Variants in PACS2 observed in about 807,000 individuals in gnomAD.
PACS2 encodes the protein phosphofurin acidic cluster sorting protein 2, also known as PACS1-like protein.
Under a neutral mutation model 113.0 loss-of-function variants are expected in PACS2, and 36 were observed. The observed-to-expected ratio is 0.32, with a 90% CI of 0.24 to 0.42. The LOEUF (loss-of-function observed/expected upper bound fraction) is 0.42. Ranked by LOEUF, PACS2 falls within the 10% of genes least tolerant of loss-of-function variation. The pLI is 1.00. For synonymous variants in PACS2, 589 were observed against 536.1 expected, an observed-to-expected ratio of 1.10 and a Z score of -1.36; for missense variants, 1,015 against 1,239.5, an observed-to-expected ratio of 0.82 and a Z score of 2.72.
At chr14:105,305,563 G>A (rs1443366588) in intron 1 of PACS2, among the ~76,000 whole-genome samples, 3 of 152,182 alleles carry the variant, frequency 2.0e-5, no homozygotes, top group African/African-American at 7.2e-5. Context: ...ATGAATAGTG[G>A]TTTATAAGCC....
chr14:105,385,589 T>G, intron 18 of PACS2, 96 bp from the exon 19 acceptor site: 22 of 740,982 alleles, frequency 3.0e-5, no homozygotes, highest in Non-Finnish European at 4.2e-5. Flanking sequence ...GGAGCCCCAG[T>G]GAGATGGGAG....
At chr14:105,347,333 T>G (rs587709001) in intron 1 of PACS2, among the ~76,000 whole-genome samples, 1 of 152,146 alleles carries the variant, frequency 6.6e-6, no homozygotes, top group African/African-American at 2.4e-5. Flanking sequence ...GGCAGGGATG[T>G]GTGCTGGAAG....
intron 4 of PACS2, among the ~76,000 whole-genome samples, chr14:105,364,168 G>A (rs1595706750): frequency 6.6e-6 from 1 of 152,270 alleles, no homozygotes; most frequent in Admixed American, 6.5e-5. Context: ...TGTTGGAAAA[G>A]TGGCGCTGAT....
At chr14:105,311,897 T>C (rs992617444), upstream of PACS2, among the ~76,000 whole-genome samples, 1 of 152,220 alleles carries the variant, frequency 6.6e-6, no homozygotes, top group African/African-American at 2.4e-5. Context: ...CGGCAGGGCC[T>C]GTCTAGGGGT....
Position 105,391,689 on chromosome 14 carries a change from C to G in PACS2, c.2178C>G (p.Ser726=). The G allele has an allele frequency of 6.2e-7, 1 of 1,607,870 alleles. No homozygotes were observed. The highest frequency in any genetic ancestry group is 8.5e-7 in the Non-Finnish European group (1 of 1,178,048). The change falls in exon 22 of 25, where the codon TCC becomes TCG. Residue 726 remains serine (S), a synonymous_variant. Coordinates refer to ENST00000447393, the MANE Select transcript of PACS2 (RefSeq NM_001100913.3). ...GSGTLSSTPP[S]ASPAAKEASP... ...GCACGCTCTCCTCCACCCCGCCGTCCGCATCTCCTGCGGCCAAGGAGGCCT... is the reference window on the plus strand; with the variant it reads ...GCACGCTCTCCTCCACCCCGCCGTCGGCATCTCCTGCGGCCAAGGAGGCCT...
intron 1 of PACS2, among the ~76,000 whole-genome samples, chr14:105,305,291 A>G (rs1255537788): frequency 6.6e-6 from 1 of 152,052 alleles, no homozygotes; most frequent in African/African-American, 2.4e-5. Context: ...AGTCCCAGCT[A>G]CTTGGGAGGC....
intron 4 of PACS2, among the ~76,000 whole-genome samples, chr14:105,363,583 G>T (rs2060813292): frequency 6.6e-6 from 1 of 152,190 alleles, no homozygotes; most frequent in African/African-American, 2.4e-5. Flanking sequence ...TGAGGCTTTG[G>T]CTTAAAGGAG....
At chr14:105,383,310 C>T (rs2081057600) in intron 15 of PACS2, 49 bp from the exon 16 acceptor site, 1 of 1,594,226 alleles carries the variant, frequency 6.3e-7, no homozygotes, top group Non-Finnish European at 8.5e-7. Context: ...GAGGACGGCT[C>T]CCCTGAGGCG....
In PACS2 at chr14:105,348,029, G is replaced by A. The variant is rs587660141; in HGVS notation, c.120-464G>A. Among the ~76,000 whole-genome samples the A allele has an allele frequency of 9.2e-5, 14 of 152,294 alleles. No individual in the cohort carries two copies. The East Asian group carries it at 2.3e-3, about 25-fold the overall frequency. On this transcript the variant is annotated intron_variant, in intron 1 of 24. Transcript: ENST00000447393. The surrounding 1 kb of genome is among the most constrained non-coding windows in gnomAD (Gnocchi z 6.4). ...TGAACAGAAGGAAGGTTGGGGGAAA[G>A]CGTATCCCAGCTATGGGCAGGGGGT...
intron 10 of PACS2, 79 bp from the exon 11 acceptor site, chr14:105,380,001 C>A: frequency 7.1e-7 from 1 of 1,412,036 alleles, no homozygotes; most frequent in Non-Finnish European, 9.8e-7. Flanking sequence ...CTCCCTGAGT[C>A]CCAGCATTCC....
chr14:105,359,746 T>C (rs1372567802), intron 4 of PACS2, among the ~76,000 whole-genome samples: 1 of 151,990 alleles, frequency 6.6e-6, no homozygotes, highest in Non-Finnish European at 1.5e-5. Flanking sequence ...CGCCCGCCAC[T>C]ACGCCTGGCT....
intron 1 of PACS2, among the ~76,000 whole-genome samples, chr14:105,344,064 T>C (rs2059830129): frequency 6.6e-6 from 1 of 151,442 alleles, no homozygotes; most frequent in Admixed American, 6.6e-5. Flanking sequence ...ACTACAGATG[T>C]GTGCTGCCGT....
At chr14:105,363,754 C>T (rs114629610) in intron 4 of PACS2, among the ~76,000 whole-genome samples, 2,325 of 152,200 alleles carry the variant, frequency 0.015, 78 homozygotes, top group African/African-American at 0.054. Context: ...GTATAAGGGG[C>T]CTCGCCCTCA....
chr14:105,339,463 G>A (rs1333954839), intron 1 of PACS2, among the ~76,000 whole-genome samples: 1 of 150,060 alleles, frequency 6.7e-6, no homozygotes, highest in African/African-American at 2.5e-5. Context: ...CTGAGATCAT[G>A]CCATTGCACT....
chr14:105,396,236 G>C lies in PACS2; in HGVS notation c.*1564G>C, dbSNP rs10141888. The C allele has an allele frequency of 1.3e-4, 20 of 152,294 alleles. No individual in the cohort carries two copies. The highest frequency in any genetic ancestry group is 4.8e-4 in the African/African-American group (20 of 41,328). The allele number at this position is 152,294 out of a possible 1,614,324, so 9.4% of individuals were successfully genotyped here. On this transcript the variant is annotated 3_prime_UTR_variant, in exon 25 of 25. Coordinates refer to ENST00000447393, the MANE Select transcript of PACS2 (RefSeq NM_001100913.3). ...GGAGGCAGAGCCCCAGCCCCTCCCA[G>C]CCAGAGCCCCTCCACACCAGGGACT...
chr14:105,327,460 G>A (rs1595580584), intron 1 of PACS2, among the ~76,000 whole-genome samples: 1 of 152,336 alleles, frequency 6.6e-6, no homozygotes, highest in East Asian at 1.9e-4. Context: ...TGGTGACAGG[G>A]GGCTGGGGTG....
chr14:105,385,234 TAAG>T (rs1276085853), intron 18 of PACS2, among the ~76,000 whole-genome samples: 1 of 152,198 alleles, frequency 6.6e-6, no homozygotes, highest in African/African-American at 2.4e-5. Context: ...CCCCGCGTGA[TAAG>T]AAGTTGACAG....
Position 105,391,640 on chromosome 14 carries a change from A to G in PACS2, c.2129A>G (p.Asp710Gly), listed in dbSNP as rs1451165425. 2 of 1,609,474 alleles carry G rather than the reference A, an allele frequency of 1.2e-6. No individual in the cohort carries two copies. Among genetic ancestry groups the G allele is most frequent in the Non-Finnish European group, 1.7e-6 (2 of 1,179,414 alleles). ...EPSSATSGDS[D>G]DAAPSGSGTL... Reference sequence around the variant, plus strand: ...TGACTCCTCCCCAAAGGCGACTCGGACGACGCGGCCCCCTCGGGCTCTGGC... The same window carrying G: ...TGACTCCTCCCCAAAGGCGACTCGGGCGACGCGGCCCCCTCGGGCTCTGGC... Residue 710 changes from aspartate to glycine, a missense_variant, in exon 22 of 25, where the codon GAC (aspartate) becomes GGC (glycine). By Grantham distance (94) the Asp-to-Gly change is moderately conservative (BLOSUM62 -1). Coordinates refer to ENST00000447393, the MANE Select transcript of PACS2 (RefSeq NM_001100913.3).
chr14:105,309,497 T>C (rs1013128659), upstream of PACS2, among the ~76,000 whole-genome samples: 1 of 152,216 alleles, frequency 6.6e-6, no homozygotes, highest in Admixed American at 6.5e-5. This position sits in a 1 kb window ranked among gnomAD's most constrained non-coding sequence, Gnocchi z 4.0. Flanking sequence ...CTGTTTGAAA[T>C]ATCTCACACA....
Sources: gnomAD v4.1 joint callset for allele counts (sites outside exome capture counted in the v4.1 genomes callset) on GRCh38, gnomAD v4.1.1 for gene constraint, Gnocchi (gnomAD v3.1) non-coding constraint, MANE v1.5 for transcripts, NCBI Gene and HGNC (gene_info 2026-07-23, HGNC 2026-07-21) for gene names.